Variants in COL16A1 observed in about 807,000 individuals in gnomAD.
The protein encoded by COL16A1 is collagen alpha-1(XVI) chain.
Under a neutral mutation model 266.3 loss-of-function variants are expected in COL16A1, and 189 were observed. That is an observed-to-expected ratio of 0.71 (90% CI 0.63 to 0.80). The LOEUF is 0.80. Ranked by LOEUF, COL16A1 falls within the 30% of genes least tolerant of loss-of-function variation. The pLI, the probability that COL16A1 is intolerant of heterozygous loss-of-function variation, is 0.00. For synonymous variants in COL16A1, 740 were observed against 782.3 expected, an observed-to-expected ratio of 0.95 and a Z score of 0.90; for missense variants, 1,928 against 2,122.4, an observed-to-expected ratio of 0.91 and a Z score of 1.80.
In COL16A1 at chr1:31,692,655, A is replaced by T; in HGVS notation, c.1114-13T>A. ...GGCCTTCTGCACACTGAACAGGGGA[A>T]CACAGTGTTGAGAGGGGCAGAGGGT... On this transcript the variant is annotated splice_polypyrimidine_tract_variant and intron_variant, in intron 14 of 70. Transcript: ENST00000373672. The T allele has an allele frequency of 6.2e-7, 1 of 1,614,034 alleles. No individual in the cohort carries two copies. The highest frequency in any genetic ancestry group is 1.7e-5 in the Admixed American group (1 of 60,008).
In COL16A1 at chr1:31,652,943, TTGATGACTGTTTCTC is replaced by T; in HGVS notation, c.4613-105_4613-91del. On this transcript the variant is annotated intron_variant, in intron 70 of 70. Transcript: ENST00000373672. The surrounding 1 kb of genome is among the most constrained non-coding windows in gnomAD (Gnocchi z 4.8). ...AATGGCATCAAATAATACCTTACAT[TTGATGACTGTTTCTC>T]AAGTTACCACATGTTTTCATGAAGA... 8.0e-7 allele frequency: 1 copy of T among 1,247,396 alleles called. No individual in the cohort carries two copies. Among genetic ancestry groups the T allele is most frequent in the African/African-American group, 1.5e-5 (1 of 64,994 alleles). The allele number at this position is 1,247,396 out of a possible 1,614,324, so 77.3% of individuals were successfully genotyped here.
chr1:31,681,818 C>A (rs958993875), intron 37 of COL16A1, among the ~76,000 whole-genome samples: 1 of 152,250 alleles, frequency 6.6e-6, no homozygotes, highest in African/African-American at 2.4e-5. Flanking sequence ...TGGCCCACAT[C>A]TCTCCTTTTG....
At chr1:31,691,722 T>A in intron 17 of COL16A1, 80 bp from the exon 18 acceptor site, 2 of 1,525,904 alleles carry the variant, frequency 1.3e-6, no homozygotes, top group South Asian at 2.5e-5. Flanking sequence ...AATGCCCACC[T>A]GTCCCACCCT....
At chr1:31,679,484 C>A in intron 42 of COL16A1, 148 bp downstream of exon 42, 1 of 1,613,400 alleles carries the variant, frequency 6.2e-7, no homozygotes, top group Non-Finnish European at 8.5e-7. Context: ...TCCTTGCCAC[C>A]CTGGGAGGCA....
In COL16A1 at chr1:31,668,498, G is replaced by C. The variant is rs1046314964; in HGVS notation, c.3250-280C>G. 2.0e-5 allele frequency among the ~76,000 whole-genome samples: 3 copies of C among 152,208 alleles called. No homozygotes were observed. Among genetic ancestry groups the C allele is most frequent in the Non-Finnish European group, 4.4e-5 (3 of 68,026 alleles). On this transcript the variant is annotated intron_variant, in intron 50 of 70. Transcript: ENST00000373672. This position sits in a 1 kb window ranked among gnomAD's most constrained non-coding sequence, Gnocchi z 5.8. ...AGCAGGCATGAGGACCAGGGAAGAG[G>C]GGGTGGGCTGGGATGCTGAGTGACA...
At chr1:31,686,189 T>A in intron 27 of COL16A1, 54 bp from the exon 28 acceptor site, 5 of 1,614,124 alleles carry the variant, frequency 3.1e-6, no homozygotes, top group Non-Finnish European at 4.2e-6. Flanking sequence ...GCCATGCCTA[T>A]CAGCCCCTCC....
rs1358212594 is a variant in COL16A1 at position 31,691,659 on chromosome 1, G to A, written c.1258-17C>T. The A allele has an allele frequency of 1.2e-6, 2 of 1,612,136 alleles. No homozygotes were observed. Among genetic ancestry groups the A allele is most frequent in the African/African-American group, 2.7e-5 (2 of 74,930 alleles). On this transcript the variant is annotated splice_polypyrimidine_tract_variant and intron_variant, in intron 17 of 70. Transcript: ENST00000373672. Reference sequence around the variant, plus strand: ...TGGCCGGCCCTGTGGGGGGATAAGGGGGAGGGTGTACAAACAGCCCTGAGG... The same window carrying A: ...TGGCCGGCCCTGTGGGGGGATAAGGAGGAGGGTGTACAAACAGCCCTGAGG...
chr1:31,655,655 G>A (rs932161330), intron 66 of COL16A1, 153 bp from the exon 67 acceptor site: 16 of 1,342,732 alleles, frequency 1.2e-5, no homozygotes, highest in African/African-American at 2.9e-5. Context: ...CTGCCCCAGA[G>A]TGGTCCTTCT....
rs954399147 is a variant in COL16A1, at chr1:31,688,346, C to T, written c.1803+121G>A. The stretch of plus-strand genomic sequence containing the variant: ...CTGCAAAACACTAGTAAATTAATTT[C>T]ACTGTGAATTTACCGTCTGAATCTC... On this transcript the variant is annotated intron_variant, in intron 26 of 70. Coordinates refer to ENST00000373672, the MANE Select transcript of COL16A1 (RefSeq NM_001856.4). The surrounding 1 kb of genome is among the most constrained non-coding windows in gnomAD (Gnocchi z 4.9). The T allele has an allele frequency of 8.9e-7, 1 of 1,127,152 alleles. No homozygotes were observed. Among genetic ancestry groups the T allele is most frequent in the African/African-American group, 1.5e-5 (1 of 64,826 alleles). The allele number at this position is 1,127,152 out of a possible 1,614,324, so 69.8% of individuals were successfully genotyped here. A position where few individuals can be genotyped will look rare whatever the true frequency, so the allele number is the denominator to read the frequency against.
At chr1:31,669,172 G>T (rs2148699434) in intron 49 of COL16A1, among the ~76,000 whole-genome samples, 1 of 152,224 alleles carries the variant, frequency 6.6e-6, no homozygotes, top group Middle Eastern at 3.4e-3. Flanking sequence ...CCCTGCCATG[G>T]TAACTGACTG....
Position 31,652,864 on chromosome 1 carries a change from A to C in COL16A1, c.4613-11T>G. ...GAGGACCTTGAGGACCTAGGGAGGG[A>C]AGGGCCACAGAGGGAAAATCAGAAG... On this transcript the variant is annotated splice_polypyrimidine_tract_variant and intron_variant, in intron 70 of 70. Coordinates refer to ENST00000373672, the MANE Select transcript of COL16A1 (RefSeq NM_001856.4). The surrounding 1 kb of genome is among the most constrained non-coding windows in gnomAD (Gnocchi z 4.8). The C allele has an allele frequency of 6.7e-7, 1 of 1,489,174 alleles. No homozygotes were observed. The highest frequency in any genetic ancestry group is 8.9e-7 in the Non-Finnish European group (1 of 1,120,742). The allele number at this position is 1,489,174 out of a possible 1,614,324, so 92.2% of individuals were successfully genotyped here.
chr1:31,678,626 C>A (rs992157417), intron 42 of COL16A1, among the ~76,000 whole-genome samples: 2 of 152,182 alleles, frequency 1.3e-5, no homozygotes, highest in Non-Finnish European at 2.9e-5. Flanking sequence ...TACTCATCAT[C>A]ATAATAATGA....
At position 31,688,554 on chromosome 1, in the gene COL16A1, A is replaced by G; in HGVS notation, c.1768-52T>C. 6.2e-7 allele frequency: 1 copy of G among 1,612,124 alleles called. No individual in the cohort carries two copies. Among genetic ancestry groups the G allele is most frequent in the South Asian group, 1.1e-5 (1 of 91,028 alleles). The stretch of plus-strand genomic sequence containing the variant: ...AGCATCTCCCCACTCCCACCTCTCC[A>G]AGGCTCCCCGGGTCCCAGTGTCCAA... On this transcript the variant is annotated intron_variant, in intron 25 of 70. Transcript: ENST00000373672. This position sits in a 1 kb window ranked among gnomAD's most constrained non-coding sequence, Gnocchi z 4.9.
chr1:31,688,889 G>A lies in COL16A1; in HGVS notation c.1739C>T (p.Ser580Phe). 6.2e-7 allele frequency: 1 copy of A among 1,614,014 alleles called. No individual in the cohort carries two copies. Among genetic ancestry groups the A allele is most frequent in the Non-Finnish European group, 8.5e-7 (1 of 1,179,956 alleles). ...SSTGASGDVG[S>F]PGFGLPGLPG... Reference sequence around the variant, plus strand: ...AAGGCCAGGCAGACCAAAGCCAGGGGAACCCACATCTCCACTGGCCCCTGT... The same window carrying A: ...AAGGCCAGGCAGACCAAAGCCAGGGAAACCCACATCTCCACTGGCCCCTGT... Residue 580 changes from serine to phenylalanine, a missense_variant, in exon 25 of 71, where the codon TCC becomes TTC. Ser to Phe is a radical substitution (Grantham distance 155). Transcript: ENST00000373672. The surrounding 1 kb of genome is among the most constrained non-coding windows in gnomAD (Gnocchi z 4.9).
Position 31,662,675 on chromosome 1 carries a change from C to CA in COL16A1, c.3556-18_3556-17insT, listed in dbSNP as rs1641790537. On this transcript the variant is annotated splice_polypyrimidine_tract_variant and intron_variant, in intron 56 of 70. Coordinates refer to ENST00000373672, the MANE Select transcript of COL16A1 (RefSeq NM_001856.4). Reference sequence around the variant, plus strand: ...TTCGCTGCCCTGGAAACCAGCGCCGCCCCCCCCCCCCGCCCCACAATAAAG... The same window carrying CA: ...TTCGCTGCCCTGGAAACCAGCGCCGCACCCCCCCCCCCGCCCCACAATAAAG... The CA allele has an allele frequency of 1.2e-5, 6 of 503,150 alleles. No individual in the cohort carries two copies. In the East Asian group the frequency reaches 2.8e-4, roughly 23 times the overall value. The allele number at this position is 503,150 out of a possible 1,614,324, so 31.2% of individuals were successfully genotyped here. A position where few individuals can be genotyped will look rare whatever the true frequency, so the allele number is the denominator to read the frequency against.
At chr1:31,691,327 G>C in intron 19 of COL16A1, 90 bp downstream of exon 19, 1 of 1,585,980 alleles carries the variant, frequency 6.3e-7, no homozygotes, top group Non-Finnish European at 8.6e-7. Context: ...CCCTGGGACA[G>C]AGCCTTATCT....
chr1:31,660,599 G>A lies in COL16A1; in HGVS notation c.3865C>T (p.Pro1289Ser), dbSNP rs1351639102. 1.2e-6 allele frequency: 2 copies of A among 1,614,058 alleles called. No individual in the cohort carries two copies. Among genetic ancestry groups the A allele is most frequent in the East Asian group, 2.2e-5 (1 of 44,892 alleles). The change falls in exon 62 of 71, where the codon CCC (proline) becomes TCC (serine). Residue 1289 changes from proline (P) to serine (S), a missense_variant. Pro to Ser is a moderately conservative substitution (Grantham distance 74). This residue lies in a region of COL16A1 where 376 missense variants were observed against 485.2 expected (regional missense o/e 0.77). Coordinates refer to ENST00000373672, the MANE Select transcript of COL16A1 (RefSeq NM_001856.4). ...GTTCAACTCACAACGTGTCCCGGGGGACCGGGTCTTCCCTGGGGTCCCATG... is the reference window on the plus strand; with the variant it reads ...GTTCAACTCACAACGTGTCCCGGGGAACCGGGTCTTCCCTGGGGTCCCATG... Reference protein sequence around the residue: ...GAMGPQGRPGPPGHVGPPGPP... With the variant: ...GAMGPQGRPGSPGHVGPPGPP...
At chr1:31,667,458 C>A in intron 52 of COL16A1, 117 bp downstream of exon 52, 3 of 812,138 alleles carry the variant, frequency 3.7e-6, no homozygotes, top group Non-Finnish European at 5.8e-6. Flanking sequence ...GGCTTGGGGG[C>A]AGGGGGGCAG....
intron 56 of COL16A1, 25 bp from the exon 57 acceptor site, chr1:31,662,683 C>CG (rs1358239587): frequency 5.7e-6 from 6 of 1,045,620 alleles, no homozygotes; most frequent in Admixed American, 2.2e-5. Context: ...CGCCCCCCCC[C>CG]CCCGCCCCAC....
Sources: allele counts gnomAD v4.1 joint callset (sites outside exome capture counted in the v4.1 genomes callset), GRCh38; gene constraint gnomAD v4.1.1; regional missense constraint gnomAD v4.1.1; non-coding constraint Gnocchi (gnomAD v3.1); transcripts MANE v1.5; gene names NCBI Gene and HGNC (gene_info 2026-07-23, HGNC 2026-07-21).